Variants in FOXP2 observed in about 807,000 individuals in gnomAD.
The protein encoded by FOXP2 is forkhead box P2.
FOXP2 carries 12 observed loss-of-function variants against 115.8 expected under a neutral mutation model. That is an observed-to-expected ratio of 0.10 (90% CI 0.07 to 0.17). The LOEUF (loss-of-function observed/expected upper bound fraction) is 0.17, where lower values mean the gene tolerates loss of function less well. Ranked by LOEUF, FOXP2 falls within the 10% of genes least tolerant of loss-of-function variation. FOXP2 has a pLI of 1.00. For synonymous variants in FOXP2, 328 were observed against 297.7 expected (o/e 1.10, Z -1.05); for missense variants, 629 against 843.5 (o/e 0.75, Z 3.15).
intron 1 of FOXP2, among the ~76,000 whole-genome samples, chr7:114,276,385 G>C (rs569312350): frequency 1.3e-5 from 2 of 151,924 alleles, no homozygotes; most frequent in Admixed American, 1.3e-4. Context: ...GGCTGGTCTC[G>C]AACTCCTGAC....
chr7:114,349,050 G>A (rs79448181), intron 2 of FOXP2, among the ~76,000 whole-genome samples: 2,393 of 152,092 alleles, frequency 0.016, 58 homozygotes, highest in African/African-American at 0.055. Context: ...ATTGTTATAT[G>A]TCATGTAGAA....
At chr7:114,275,064 C>T (rs1389841282) in intron 1 of FOXP2, among the ~76,000 whole-genome samples, 1 of 151,730 alleles carries the variant, frequency 6.6e-6, no homozygotes, top group African/African-American at 2.4e-5. Context: ...TGTTCTTTTC[C>T]TCTTTATTTT....
intron 2 of FOXP2, among the ~76,000 whole-genome samples, chr7:114,317,002 A>T (rs1797294355): frequency 6.6e-6 from 1 of 152,190 alleles, no homozygotes; most frequent in African/African-American, 2.4e-5. Flanking sequence ...TTTAAGTTTC[A>T]ATATTAGGAC....
intron 3 of FOXP2, among the ~76,000 whole-genome samples, chr7:114,563,685 T>G (rs549648771): frequency 6.6e-6 from 1 of 152,324 alleles, no homozygotes; most frequent in African/African-American, 2.4e-5. Context: ...TTATATTTCT[T>G]GTCTTGTCAC....
intron 2 of FOXP2, chr7:114,499,378 G>A (rs952021827): frequency 2.0e-5 from 3 of 152,816 alleles, no homozygotes; most frequent in Non-Finnish European, 4.4e-5. Flanking sequence ...CTAAATTTAG[G>A]AGCACTATAG....
At chr7:114,538,024 A>T (rs999686652) in intron 3 of FOXP2, among the ~76,000 whole-genome samples, 6 of 151,610 alleles carry the variant, frequency 4.0e-5, no homozygotes, top group Non-Finnish European at 8.9e-5. Context: ...ATCTACTCCT[A>T]GCACTTCCTA....
intron 8 of FOXP2, chr7:114,645,178 A>ATATT (rs1805818360): frequency 9.0e-6 from 1 of 111,318 alleles, no homozygotes; most frequent in African/African-American, 3.3e-5. Flanking sequence ...ATATATATAT[A>ATATT]TTTCAGTAAA....
Position 114,370,741 on chromosome 7 carries a change from A to T in FOXP2, c.-10-55761A>T, listed in dbSNP as rs1791984533. ...ACAGAAGATATCTTTGTCAATAACAATGCTAAATTTGTGGTTCTTTTAAAT... is the reference window on the plus strand; with the variant it reads ...ACAGAAGATATCTTTGTCAATAACATTGCTAAATTTGTGGTTCTTTTAAAT... On this transcript the variant is annotated intron_variant, in intron 2 of 17. Transcript: ENST00000634411. Among the ~76,000 whole-genome samples, 4 of 152,214 alleles carry T rather than the reference A, an allele frequency of 2.6e-5. No homozygotes were observed. In the South Asian group the frequency reaches 8.3e-4, roughly 32 times the overall value.
chr7:114,164,220 G>T (rs1405316998), intron 1 of FOXP2, among the ~76,000 whole-genome samples: 1 of 151,978 alleles, frequency 6.6e-6, no homozygotes, highest in Admixed American at 6.6e-5. Flanking sequence ...AGCACAAACT[G>T]AATTTAGCAG....
At chr7:114,680,011 C>T (rs902062477) in intron 16 of FOXP2, among the ~76,000 whole-genome samples, 14 of 152,220 alleles carry the variant, frequency 9.2e-5, no homozygotes, top group Middle Eastern at 3.4e-3. Context: ...CCACTTCTAA[C>T]AAGAAGTAAC....
chr7:114,239,252 A>G (rs1267204293), intron 1 of FOXP2, among the ~76,000 whole-genome samples: 1 of 151,882 alleles, frequency 6.6e-6, no homozygotes, highest in Admixed American at 6.6e-5. Context: ...TTTGTCATTC[A>G]GTAGTAAATG....
chr7:114,434,895 C>T (rs1352976732), intron 2 of FOXP2, among the ~76,000 whole-genome samples: 4 of 152,054 alleles, frequency 2.6e-5, no homozygotes, highest in Admixed American at 6.6e-5. Context: ...TTAACATATA[C>T]ATTTTAAGAA....
intron 1 of FOXP2, among the ~76,000 whole-genome samples, chr7:114,189,628 CTT>C (rs996931094): frequency 1.3e-5 from 2 of 151,986 alleles, no homozygotes; most frequent in African/African-American, 4.8e-5. Flanking sequence ...AACCTTATGA[CTT>C]ATAAAAATGA....
chr7:114,186,336 CT>C (rs1184951482), intron 1 of FOXP2, among the ~76,000 whole-genome samples: 1 of 152,022 alleles, frequency 6.6e-6, no homozygotes, highest in Non-Finnish European at 1.5e-5. Flanking sequence ...GCAAATTTCC[CT>C]CTTGGAATAG....
chr7:114,531,009 T>C (rs1176661576), intron 2 of FOXP2, among the ~76,000 whole-genome samples: 2 of 151,836 alleles, frequency 1.3e-5, no homozygotes, highest in African/African-American at 2.4e-5. Context: ...ACCTTAATTT[T>C]CTTTAGGTTT....
At chr7:114,274,739 C>G (rs1306918944) in intron 1 of FOXP2, among the ~76,000 whole-genome samples, 1 of 151,278 alleles carries the variant, frequency 6.6e-6, no homozygotes, top group Non-Finnish European at 1.5e-5. Context: ...TTTCAACCAC[C>G]CAGGTAGCTG....
In FOXP2 at chr7:114,149,550, G is replaced by A. The variant is rs964035872; in HGVS notation, c.-246-13394G>A. Among the ~76,000 whole-genome samples the A allele has an allele frequency of 2.0e-5, 3 of 151,970 alleles. No individual in the cohort carries two copies. In the East Asian group the frequency reaches 5.8e-4, roughly 29 times the overall value. ...GGTCAGATTAACATCAGCAGCACTAGCCCTTTAATTACCATCAAAGAGTTA... is the reference window on the plus strand; with the variant it reads ...GGTCAGATTAACATCAGCAGCACTAACCCTTTAATTACCATCAAAGAGTTA... On this transcript the variant is annotated intron_variant, in intron 1 of 19. Transcript: ENST00000635638.
chr7:114,630,133 TACTGAGCTTAGTA>T, intron 5 of FOXP2, 128 bp downstream of exon 5: 2 of 1,531,390 alleles, frequency 1.3e-6, no homozygotes, highest in Non-Finnish European at 1.8e-6. Context: ...TATATATTTT[TACTGAGCTTAGTA>T]ACAGTGATAG....
At chr7:114,532,776 T>G (rs374743715) in intron 2 of FOXP2, among the ~76,000 whole-genome samples, 3 of 151,712 alleles carry the variant, frequency 2.0e-5, no homozygotes, top group East Asian at 1.9e-4. Flanking sequence ...AAAAAAAAAC[T>G]ACATGAAAAC....
Sources: gnomAD v4.1 joint callset for allele counts (sites outside exome capture counted in the v4.1 genomes callset) on GRCh38, gnomAD v4.1.1 for gene constraint, MANE v1.5 for transcripts, NCBI Gene and HGNC (gene_info 2026-07-23, HGNC 2026-07-21) for gene names.